The following EFCAB13 variants were observed in gnomAD, a reference collection of about 807,000 sequenced individuals.
The protein encoded by EFCAB13 is EF-hand calcium-binding domain-containing protein 13.
A neutral mutation model predicts 110.2 loss-of-function variants in EFCAB13; 91 were observed. The observed-to-expected ratio is 0.83, with a 90% CI of 0.70 to 0.98. The LOEUF is 0.98. Ranked by LOEUF, EFCAB13 falls within the 50% of genes least tolerant of loss-of-function variation. The probability of loss-of-function intolerance (pLI) is 0.00; values close to 1 mark genes in which losing one functional copy is unlikely to be tolerated. For missense variants in EFCAB13, 968 were observed against 1,119.4 expected, an observed-to-expected ratio of 0.86 and a Z score of 1.93; for synonymous variants, 323 against 369.9, an observed-to-expected ratio of 0.87 and a Z score of 1.45.
chr17:47,402,718 T>C (rs966176876), intron 18 of EFCAB13, among the ~76,000 whole-genome samples: 8 of 152,106 alleles, frequency 5.3e-5, no homozygotes, highest in Non-Finnish European at 1.2e-4. Flanking sequence ...GATATTGGGA[T>C]GAGAGGTAGA....
At chr17:47,421,569 T>C (rs1904709895) in intron 23 of EFCAB13, among the ~76,000 whole-genome samples, 1 of 149,276 alleles carries the variant, frequency 6.7e-6, no homozygotes, top group African/African-American at 2.5e-5. Flanking sequence ...CCCTCCACTA[T>C]TGTCCTATGA....
At position 47,423,802 on chromosome 17, in the gene EFCAB13, C is replaced by CACCCTCCTGCACCTT. The variant is rs554846930; in HGVS notation, c.2495-6005_2495-5991dup. ...CGGCCAGCGGCGGCCTCCTGCACCT[C>CACCCTCCTGCACCTT]ACCCTCCTGCACCTTACCCTCCTGC... is the stretch of plus-strand genomic sequence containing the variant. On this transcript the variant is annotated intron_variant, in intron 23 of 24. Coordinates refer to ENST00000331493, the MANE Select transcript of EFCAB13 (RefSeq NM_152347.5). 6.5e-3 allele frequency among the ~76,000 whole-genome samples: 989 copies of CACCCTCCTGCACCTT among 152,092 alleles called. 17 individuals are homozygous for CACCCTCCTGCACCTT. The highest frequency in any genetic ancestry group is 0.021 in the African/African-American group (870 of 41,478).
chr17:47,351,304 T>TGCGCGC (rs71141904), intron 9 of EFCAB13, among the ~76,000 whole-genome samples: 2 of 122,980 alleles, frequency 1.6e-5, no homozygotes, highest in African/African-American at 5.3e-5. Context: ...TGTGTGTGTG[T>TGCGCGC]GCGCGCGCGC....
chr17:47,422,154 TAA>T (rs529942742), intron 23 of EFCAB13, among the ~76,000 whole-genome samples: 1 of 152,088 alleles, frequency 6.6e-6, no homozygotes, highest in African/African-American at 2.4e-5. Context: ...TTAACAAAAA[TAA>T]AAATAATTCT....
intron 16 of EFCAB13, 54 bp from the exon 17 acceptor site, chr17:47,395,780 G>A (rs2065733858): frequency 6.6e-7 from 1 of 1,513,626 alleles, no homozygotes; most frequent in African/African-American, 1.4e-5. Context: ...ACAGTTTACT[G>A]TATTAACTTC....
intron 9 of EFCAB13, among the ~76,000 whole-genome samples, chr17:47,358,034 G>T (rs939972905): frequency 7.5e-4 from 114 of 152,142 alleles, no homozygotes; most frequent in African/African-American, 2.5e-3. Flanking sequence ...GGTTTCTTTT[G>T]TTCCTTTTAA....
rs765480133 is a variant in EFCAB13 at position 47,440,557 on chromosome 17, T to A, written c.2765T>A (p.Val922Asp). The change falls in exon 25 of 25, where the codon GTT (valine) becomes GAT (aspartate). Residue 922 changes from valine (V) to aspartate (D), a missense_variant. Val to Asp is a radical substitution (Grantham distance 152). Coordinates refer to ENST00000331493, the MANE Select transcript of EFCAB13 (RefSeq NM_152347.5). ...CCAGATCTAGAAAGGCAAGCAGTGG[T>A]TTACATGTTAAAAACAATACAGGAT... ...YCPDLERQAV[V>D]YMLKTIQDSI... 3 of 1,613,238 alleles carry A rather than the reference T, an allele frequency of 1.9e-6. No homozygotes were observed. Among genetic ancestry groups the A allele is most frequent in the Non-Finnish European group, 2.5e-6 (3 of 1,179,634 alleles).
chr17:47,420,594 C>T (rs1904633391), intron 23 of EFCAB13, among the ~76,000 whole-genome samples: 1 of 152,132 alleles, frequency 6.6e-6, no homozygotes, highest in African/African-American at 2.4e-5. Flanking sequence ...CGCCTCTGCC[C>T]CGCCGCCCCA....
intron 10 of EFCAB13, 56 bp downstream of exon 10, chr17:47,361,577 AT>A (rs936550509): frequency 6.9e-6 from 10 of 1,441,286 alleles, no homozygotes; most frequent in East Asian, 4.8e-5. Flanking sequence ...ATATTTATAC[AT>A]TTTTTTCCGG....
intron 7 of EFCAB13, 82 bp downstream of exon 7, chr17:47,344,374 C>T: frequency 6.8e-7 from 1 of 1,468,114 alleles, no homozygotes; most frequent in East Asian, 2.3e-5. Flanking sequence ...ATCCCTTCCA[C>T]ATAAAGAATA....
At chr17:47,429,041 C>A (rs1249684885) in intron 23 of EFCAB13, among the ~76,000 whole-genome samples, 1 of 151,988 alleles carries the variant, frequency 6.6e-6, no homozygotes, top group African/African-American at 2.4e-5. Flanking sequence ...CACATTGGAG[C>A]GTGGTTTGTC....
intron 8 of EFCAB13, among the ~76,000 whole-genome samples, chr17:47,345,424 C>T (rs1427399539): frequency 2.0e-5 from 3 of 152,058 alleles, no homozygotes; most frequent in African/African-American, 7.2e-5. Context: ...GGAATTTAGT[C>T]TTTGGTATCT....
chr17:47,397,844 C>T (rs1010818713), intron 17 of EFCAB13, among the ~76,000 whole-genome samples: 1 of 151,664 alleles, frequency 6.6e-6, no homozygotes, highest in South Asian at 2.1e-4. Context: ...GTGAAGAGCC[C>T]CTCCACCCGG....
intron 23 of EFCAB13, among the ~76,000 whole-genome samples, chr17:47,417,646 C>T (rs1567804485): frequency 6.6e-6 from 1 of 152,150 alleles, no homozygotes; most frequent in African/African-American, 2.4e-5. Context: ...TGAATTTCTC[C>T]CAATAGTCAT....
At position 47,412,352 on chromosome 17, in the gene EFCAB13, G is replaced by A. The variant is rs151131757; in HGVS notation, c.2279-421G>A. 2.9e-3 allele frequency among the ~76,000 whole-genome samples: 442 copies of A among 152,312 alleles called. 1 individual carries two copies. Among genetic ancestry groups the A allele is most frequent in the Non-Finnish European group, 5.0e-3 (338 of 68,030 alleles). ...TGTAACTAATGCATAGAGAGGAGGT[G>A]CCTTTTCCCAATTCACACAAAAGCA... On this transcript the variant is annotated intron_variant, in intron 21 of 24. Transcript: ENST00000331493.
At chr17:47,344,928 C>T in intron 7 of EFCAB13, 88 bp from the exon 8 acceptor site, 1 of 964,246 alleles carries the variant, frequency 1.0e-6, no homozygotes, top group Non-Finnish European at 1.6e-6. Context: ...TCTTATGAAT[C>T]TCAGACTATT....
chr17:47,397,266 G>A (rs947389246), intron 17 of EFCAB13, among the ~76,000 whole-genome samples: 5 of 152,178 alleles, frequency 3.3e-5, no homozygotes, highest in East Asian at 1.9e-4. Context: ...CGCCAGCCTC[G>A]GCCTCCCGGG....
intron 14 of EFCAB13, among the ~76,000 whole-genome samples, chr17:47,388,083 T>C (rs1030983052): frequency 4.6e-5 from 7 of 152,202 alleles, no homozygotes; most frequent in African/African-American, 1.7e-4. Context: ...CTCCTTTGGC[T>C]GAGATAAAGA....
intron 12 of EFCAB13, 71 bp downstream of exon 12, chr17:47,375,037 T>C (rs766564670): frequency 7.8e-5 from 113 of 1,456,984 alleles, no homozygotes; most frequent in Non-Finnish European, 1.0e-4. Flanking sequence ...AATTATTAGA[T>C]AGTTGTAAGC....
Sources: allele counts gnomAD v4.1 joint callset (sites outside exome capture counted in the v4.1 genomes callset), GRCh38; gene constraint gnomAD v4.1.1; transcripts MANE v1.5; gene names NCBI Gene and HGNC (gene_info 2026-07-23, HGNC 2026-07-21).